PDE4D: variants seen among roughly 807,000 people sequenced by gnomAD.
The protein encoded by PDE4D is phosphodiesterase 4D.
In PDE4D, 24 loss-of-function variants were observed where a neutral mutation model predicts 87.4. The ratio of observed to expected loss-of-function variants is 0.27; its 90% CI spans 0.20 to 0.39. The LOEUF (loss-of-function observed/expected upper bound fraction) is 0.39. Among genes scored for constraint, PDE4D ranks in the 10% least tolerant of loss-of-function variants. The pLI is 1.00. For missense variants in PDE4D, 714 were observed against 1,041.0 expected, an observed-to-expected ratio of 0.69 and a Z score of 4.32; for synonymous variants, 384 against 383.2, an observed-to-expected ratio of 1.00 and a Z score of -0.02.
chr5:59,501,347 T>C (rs1808258537), intron 1 of PDE4D, among the ~76,000 whole-genome samples: 1 of 152,176 alleles, frequency 6.6e-6, no homozygotes, highest in African/African-American at 2.4e-5. Context: ...TCAACAAATA[T>C]TAAGCATGAC....
At chr5:59,544,848 T>C (rs538595574) in intron 1 of PDE4D, among the ~76,000 whole-genome samples, 1 of 152,334 alleles carries the variant, frequency 6.6e-6, no homozygotes, top group East Asian at 1.9e-4. Flanking sequence ...AGATATGAGA[T>C]TGCATGACAG....
chr5:60,066,592 TATC>T (rs55735827), intron 2 of PDE4D, among the ~76,000 whole-genome samples: 65,974 of 149,488 alleles, frequency 0.44, 15,392 homozygotes, highest in African/African-American at 0.59. Context: ...TAAAGCAAAT[TATC>T]ATCATCATCA....
intron 2 of PDE4D, among the ~76,000 whole-genome samples, chr5:60,166,442 C>T (rs1287487377): frequency 6.6e-6 from 1 of 152,142 alleles, no homozygotes; most frequent in African/African-American, 2.4e-5. Flanking sequence ...CCTCATTCTC[C>T]CAAACACATT....
chr5:59,000,162 G>A (rs1483232264), intron 6 of PDE4D, among the ~76,000 whole-genome samples: 5 of 152,260 alleles, frequency 3.3e-5, no homozygotes, highest in African/African-American at 4.8e-5. Flanking sequence ...AAAGATGAAC[G>A]GGGCTTCCCT....
intron 1 of PDE4D, among the ~76,000 whole-genome samples, chr5:59,613,966 A>T (rs539835782): frequency 2.6e-4 from 39 of 152,160 alleles, no homozygotes; most frequent in South Asian, 6.2e-4. Flanking sequence ...CTCAATTTTT[A>T]AAAAAAACTT....
At chr5:59,627,355 A>AG (rs1370132126) in intron 1 of PDE4D, among the ~76,000 whole-genome samples, 2 of 152,206 alleles carry the variant, frequency 1.3e-5, no homozygotes, top group Non-Finnish European at 2.9e-5. Flanking sequence ...ATAGTAATAG[A>AG]GGTTATTTAA....
At position 60,316,682 on chromosome 5, in the gene PDE4D, G is replaced by T. The variant is rs555763563; in HGVS notation, c.-89-130995C>A. On this transcript the variant is annotated intron_variant, in intron 1 of 16. Coordinates refer to the PDE4D transcript ENST00000502484. ...GTCCCATCAATACCTAATTTATTGAGAGTTTTTAGCATGAAGGGCTGTTGA... is the reference window on the plus strand; with the variant it reads ...GTCCCATCAATACCTAATTTATTGATAGTTTTTAGCATGAAGGGCTGTTGA... Among the ~76,000 whole-genome samples the T allele has an allele frequency of 5.3e-5, 8 of 152,236 alleles. No individual in the cohort carries two copies. In the South Asian group the frequency reaches 1.7e-3, roughly 32 times the overall value.
chr5:59,509,592 G>A (rs1809909674), intron 1 of PDE4D, among the ~76,000 whole-genome samples: 1 of 151,234 alleles, frequency 6.6e-6, no homozygotes, highest in South Asian at 2.1e-4. Context: ...CAGTAAAAGG[G>A]TAAAGATATT....
intron 2 of PDE4D, among the ~76,000 whole-genome samples, chr5:60,131,356 C>T (rs1384817300): frequency 1.3e-5 from 2 of 152,154 alleles, no homozygotes; most frequent in Admixed American, 6.5e-5. Flanking sequence ...TATACCTTCC[C>T]TGTATCCACC....
chr5:59,104,352 C>G (rs1326861910), intron 5 of PDE4D, among the ~76,000 whole-genome samples: 2 of 152,164 alleles, frequency 1.3e-5, no homozygotes, highest in African/African-American at 4.8e-5. Context: ...ACCAAAGTCA[C>G]ACAGTAAGCG....
intron 1 of PDE4D, among the ~76,000 whole-genome samples, chr5:59,833,964 C>A (rs192295870): frequency 5.3e-5 from 8 of 151,834 alleles, no homozygotes; most frequent in Non-Finnish European, 1.2e-4. Context: ...TATTAACTGA[C>A]AAGAAACCAG....
intron 2 of PDE4D, among the ~76,000 whole-genome samples, chr5:60,011,566 A>G (rs1408465014): frequency 6.6e-6 from 1 of 152,174 alleles, no homozygotes. Flanking sequence ...CAAAGTTTTT[A>G]TTAAGCCCTG....
At chr5:59,331,444 G>A (rs1582000002) in intron 1 of PDE4D, among the ~76,000 whole-genome samples, 1 of 152,046 alleles carries the variant, frequency 6.6e-6, no homozygotes, top group East Asian at 1.9e-4. Context: ...TTGGATTCGG[G>A]TCTACCCTAA....
intron 1 of PDE4D, among the ~76,000 whole-genome samples, chr5:60,423,610 C>T (rs1416490229): frequency 6.6e-6 from 1 of 151,992 alleles, no homozygotes; most frequent in Admixed American, 6.6e-5. Flanking sequence ...CTAAAATCGA[C>T]ACCTTAACAT....
intron 1 of PDE4D, among the ~76,000 whole-genome samples, chr5:59,420,535 A>T (rs1026177959): frequency 2.0e-5 from 3 of 152,156 alleles, no homozygotes; most frequent in African/African-American, 7.2e-5. Flanking sequence ...GACTTTGCTG[A>T]CGAAATGAAA....
At chr5:60,364,262 A>T (rs1583533288) in intron 1 of PDE4D, among the ~76,000 whole-genome samples, 1 of 152,086 alleles carries the variant, frequency 6.6e-6, no homozygotes, top group African/African-American at 2.4e-5. Context: ...CTGAATTCTT[A>T]CTCTGCCAGT....
intron 2 of PDE4D, among the ~76,000 whole-genome samples, chr5:60,123,040 A>G (rs1778824994): frequency 6.6e-6 from 1 of 152,208 alleles, no homozygotes. Flanking sequence ...CACCTTTGCT[A>G]CAGTTCCCAA....
At chr5:60,319,586 GCT>G (rs1248169741) in intron 1 of PDE4D, among the ~76,000 whole-genome samples, 2 of 152,152 alleles carry the variant, frequency 1.3e-5, no homozygotes, top group Non-Finnish European at 2.9e-5. Flanking sequence ...CAGTTTTTCT[GCT>G]CTGTTTTTTC....
chr5:59,111,563 GA>G (rs199549357), intron 5 of PDE4D, among the ~76,000 whole-genome samples: 8 of 150,474 alleles, frequency 5.3e-5, no homozygotes, highest in South Asian at 2.1e-4. Context: ...ATTGTTTTGA[GA>G]AAAAAAAAGC....
Sources: allele counts gnomAD v4.1 joint callset (sites outside exome capture counted in the v4.1 genomes callset), GRCh38; gene constraint gnomAD v4.1.1; transcripts MANE v1.5; gene names NCBI Gene and HGNC (gene_info 2026-07-23, HGNC 2026-07-21).